LPIN1: variants seen among roughly 807,000 people sequenced by gnomAD.
LPIN1 encodes phosphatidate phosphatase LPIN1.
LPIN1 carries 71 observed loss-of-function variants against 107.5 expected under a neutral mutation model. That is an observed-to-expected ratio of 0.66 (90% confidence interval 0.55 to 0.80). LPIN1 has a LOEUF of 0.80. LPIN1 is among the 30% of genes least tolerant of loss of function. The probability of loss-of-function intolerance (pLI) is 0.00; values close to 1 mark genes in which losing one functional copy is unlikely to be tolerated. For synonymous variants in LPIN1, 445 were observed against 452.6 expected, an observed-to-expected ratio of 0.98 and a Z score of 0.21; for missense variants, 1,043 against 1,160.6, an observed-to-expected ratio of 0.90 and a Z score of 1.47.
intron 14 of LPIN1, among the ~76,000 whole-genome samples, chr2:11,796,275 G>A (rs564590508): frequency 9.2e-5 from 14 of 152,260 alleles, no homozygotes; most frequent in Non-Finnish European, 1.3e-4. Context: ...CAGAGTAGTC[G>A]TTTCCAAAGT....
At chr2:11,804,997 TTA>T in intron 16 of LPIN1, 71 bp from the exon 17 acceptor site, 1 of 903,212 alleles carries the variant, frequency 1.1e-6, no homozygotes. Flanking sequence ...TTTTTTTTTT[TTA>T]TGAGGCATGA....
rs1055002133 is a variant in LPIN1 at position 11,765,922 on chromosome 2, C to T, written c.192+189C>T. Among the ~76,000 whole-genome samples, 11 of 152,180 alleles carry T rather than the reference C, an allele frequency of 7.2e-5. No individual in the cohort carries two copies. Among genetic ancestry groups the T allele is most frequent in the East Asian group, 1.9e-4 (1 of 5,196 alleles). On this transcript the variant is annotated intron_variant, in intron 2 of 20. Transcript: ENST00000674199. The surrounding 1 kb of genome is among the most constrained non-coding windows in gnomAD (Gnocchi z 4.4). Reference sequence around the variant, plus strand: ...AGTATGGCTGTGTAAATTAAAGTGCCGTGGCACACACCACTGTTTATTAAG... The same window carrying T: ...AGTATGGCTGTGTAAATTAAAGTGCTGTGGCACACACCACTGTTTATTAAG...
At chr2:11,760,169 G>A (rs1162283577) in intron 1 of LPIN1, among the ~76,000 whole-genome samples, 1 of 151,518 alleles carries the variant, frequency 6.6e-6, no homozygotes, top group African/African-American at 2.4e-5. Context: ...GATGGCGGCC[G>A]GGAAGAGGCA....
rs1045742298 is a variant in LPIN1, at chr2:11,690,735, T to C, written c.81+13007T>C. Among the ~76,000 whole-genome samples, 19 of 152,312 alleles carry C rather than the reference T, an allele frequency of 1.2e-4. 1 individual carries two copies. In the East Asian group the frequency reaches 1.3e-3, roughly 11 times the overall value. ...CTTTTATGTTTCCTGTTAGGTTTTA[T>C]CTACTATATTGATATTTATGTTTTA... On this transcript the variant is annotated intron_variant, in intron 1 of 21. Transcript: ENST00000449576.
chr2:11,757,421 T>C (rs1668844320), intron 1 of LPIN1, among the ~76,000 whole-genome samples: 1 of 152,240 alleles, frequency 6.6e-6, no homozygotes, highest in Non-Finnish European at 1.5e-5. Context: ...TTGTCTGACT[T>C]CTTCAGGTAA....
chr2:11,684,586 C>T (rs1661900805), intron 1 of LPIN1, among the ~76,000 whole-genome samples: 1 of 152,146 alleles, frequency 6.6e-6, no homozygotes, highest in Admixed American at 6.5e-5. Context: ...GAAAATAAGA[C>T]AATGTTGTGG....
At chr2:11,746,559 C>G (rs1043192371), upstream of LPIN1, 458 of 727,858 alleles carry the variant, frequency 6.3e-4, 1 homozygote, top group Non-Finnish European at 7.4e-4. Context: ...CCGCTTGCCC[C>G]GCCCCTGCCC....
chr2:11,679,766 G>T (rs1166443534), intron 1 of LPIN1, among the ~76,000 whole-genome samples: 4 of 152,246 alleles, frequency 2.6e-5, no homozygotes, highest in African/African-American at 9.6e-5. Flanking sequence ...TTTGCCTTGG[G>T]GGAGGCAGGC....
Position 11,707,007 on chromosome 2 carries a change from T to A in LPIN1, c.82-6749T>A, listed in dbSNP as rs1663158911. Among the ~76,000 whole-genome samples the A allele has an allele frequency of 6.6e-6, 1 of 152,124 alleles. No homozygotes were observed. The highest frequency in any genetic ancestry group is 2.1e-4 in the South Asian group (1 of 4,818). ...ACTGTCATTAAAAAGTGGAAATAGC[T>A]TTGGTGAAAGAGCATGGGTACTGAC... is the stretch of plus-strand genomic sequence containing the variant. On this transcript the variant is annotated intron_variant, in intron 1 of 21. Transcript: ENST00000449576. This position sits in a 1 kb window ranked among gnomAD's most constrained non-coding sequence, Gnocchi z 4.2.
chr2:11,713,608 G>A (rs1403883991), intron 1 of LPIN1: 4 of 544,044 alleles, frequency 7.4e-6, no homozygotes, highest in African/African-American at 5.7e-5. Context: ...TTTTTAATTG[G>A]CATATAGCCT....
At chr2:11,822,929 CT>C (rs1352316780) in intron 20 of LPIN1, among the ~76,000 whole-genome samples, 1 of 152,168 alleles carries the variant, frequency 6.6e-6, no homozygotes, top group East Asian at 1.9e-4. Flanking sequence ...GCTCTGCAGA[CT>C]TTACTCATTG....
chr2:11,804,738 G>C (rs1335795446), intron 16 of LPIN1, among the ~76,000 whole-genome samples, 167 bp downstream of exon 16: 2 of 152,174 alleles, frequency 1.3e-5, no homozygotes. Flanking sequence ...CAATCATTGT[G>C]TTTAGGGCTT....
intron 1 of LPIN1, among the ~76,000 whole-genome samples, chr2:11,679,041 C>T (rs535768976): frequency 2.6e-5 from 4 of 152,314 alleles, no homozygotes; most frequent in South Asian, 2.1e-4. Flanking sequence ...GAATGGCACT[C>T]GCATCTTCCC....
chr2:11,770,344 G>C (rs1671643781), intron 3 of LPIN1, among the ~76,000 whole-genome samples: 1 of 152,148 alleles, frequency 6.6e-6, no homozygotes, highest in South Asian at 2.1e-4. Flanking sequence ...GATGCTGCTG[G>C]AAGCTGGAGA....
Position 11,826,358 on chromosome 2 carries a change from C to T in LPIN1, c.*1567C>T, listed in dbSNP as rs202144951. The T allele has an allele frequency of 1.3e-5, 2 of 152,480 alleles. No homozygotes were observed. Among genetic ancestry groups the T allele is most frequent in the East Asian group, 3.9e-4 (2 of 5,186 alleles). The allele number at this position is 152,480 out of a possible 1,614,324, so 9.4% of individuals were successfully genotyped here. On this transcript the variant is annotated 3_prime_UTR_variant, in exon 21 of 21. Transcript: ENST00000674199. ...GACACACAAAGGCAAACAGATCTGC[C>T]ATCGATCGCAGATTTCTGTAGAAAC...
At chr2:11,790,658 C>T (rs957927362) in intron 12 of LPIN1, among the ~76,000 whole-genome samples, 4 of 152,146 alleles carry the variant, frequency 2.6e-5, no homozygotes, top group South Asian at 2.1e-4. Flanking sequence ...ATCCCAGGAC[C>T]GTGTATTAAC....
At chr2:11,699,970 T>C (rs1572344222) in intron 1 of LPIN1, among the ~76,000 whole-genome samples, 1 of 152,144 alleles carries the variant, frequency 6.6e-6, no homozygotes, top group East Asian at 1.9e-4. Context: ...ACCCACAGCA[T>C]TTGGAGAACT....
At chr2:11,740,841 C>T (rs1203449273) in intron 1 of LPIN1, among the ~76,000 whole-genome samples, 1 of 151,976 alleles carries the variant, frequency 6.6e-6, no homozygotes, top group Non-Finnish European at 1.5e-5. Flanking sequence ...CAGAAATAAA[C>T]AAGTGAAAAC....
intron 18 of LPIN1, among the ~76,000 whole-genome samples, chr2:11,815,770 G>C (rs895114771): frequency 6.6e-6 from 1 of 152,024 alleles, no homozygotes; most frequent in Non-Finnish European, 1.5e-5. Flanking sequence ...TGGGAACACT[G>C]TTCATTTTAC....
Sources: allele counts gnomAD v4.1 joint callset (sites outside exome capture counted in the v4.1 genomes callset), GRCh38; gene constraint gnomAD v4.1.1; non-coding constraint Gnocchi (gnomAD v3.1); transcripts MANE v1.5; gene names NCBI Gene and HGNC (gene_info 2026-07-23, HGNC 2026-07-21).